NRG1: variants seen among roughly 807,000 people sequenced by gnomAD.
NRG1 encodes pro-neuregulin-1, membrane-bound isoform.
NRG1 carries 18 observed loss-of-function variants against 63.8 expected under a neutral mutation model. The observed-to-expected ratio is 0.28, with a 90% confidence interval of 0.19 to 0.42. The LOEUF (loss-of-function observed/expected upper bound fraction) is 0.42, where lower values mean the gene tolerates loss of function less well. Ranked by LOEUF, NRG1 falls within the 10% of genes least tolerant of loss-of-function variation. The pLI is 1.00. For missense variants in NRG1, 762 were observed against 814.7 expected, an observed-to-expected ratio of 0.94 and a Z score of 0.79; for synonymous variants, 302 against 301.3, an observed-to-expected ratio of 1.00 and a Z score of -0.02.
At chr8:32,562,431 T>C (rs1488895522) in intron 1 of NRG1, among the ~76,000 whole-genome samples, 2 of 151,942 alleles carry the variant, frequency 1.3e-5, no homozygotes, top group Non-Finnish European at 2.9e-5. Context: ...TTTAATTTTG[T>C]AGAGATGGGG....
chr8:32,640,423 G>A (rs1377514338), intron 5 of NRG1, among the ~76,000 whole-genome samples: 2 of 152,024 alleles, frequency 1.3e-5, no homozygotes, highest in Non-Finnish European at 2.9e-5. Flanking sequence ...TGTCTGCTGT[G>A]TGCCAGGCAT....
intron 5 of NRG1, among the ~76,000 whole-genome samples, chr8:32,628,859 A>T (rs941557056): frequency 6.6e-6 from 1 of 150,990 alleles, no homozygotes; most frequent in South Asian, 2.1e-4. Context: ...CAGTCTCCTG[A>T]GCAGCTGGGA....
At chr8:31,917,179 T>G (rs1833470319) in intron 1 of NRG1, among the ~76,000 whole-genome samples, 1 of 87,314 alleles carries the variant, frequency 1.1e-5, no homozygotes, top group South Asian at 5.0e-4. Flanking sequence ...GACGGTAGTT[T>G]CTTTTGCTGT....
At chr8:32,322,355 T>TATATATATATATATATATATA (rs1563313662) in intron 1 of NRG1, among the ~76,000 whole-genome samples, 1 of 142,656 alleles carries the variant, frequency 7.0e-6, no homozygotes, top group African/African-American at 2.6e-5. Flanking sequence ...CAACCTTATT[T>TATATATATATATATATATATA]TATATATATA....
intron 1 of NRG1, chr8:32,287,093 T>C (rs1208162242): frequency 6.6e-6 from 1 of 152,244 alleles, no homozygotes; most frequent in East Asian, 1.9e-4. Context: ...TAAATTGCCC[T>C]GCCACAGGTA....
intron 1 of NRG1, among the ~76,000 whole-genome samples, chr8:32,410,743 G>A (rs1814803974): frequency 6.6e-6 from 1 of 152,000 alleles, no homozygotes; most frequent in Non-Finnish European, 1.5e-5. Context: ...AGTCCCCAGA[G>A]TCTGCTTCTT....
chr8:32,648,799 C>CCTGTCATCT (rs1854289166), intron 5 of NRG1, among the ~76,000 whole-genome samples: 1 of 152,136 alleles, frequency 6.6e-6, no homozygotes, highest in African/African-American at 2.4e-5. Flanking sequence ...TCATAGATTT[C>CCTGTCATCT]CTGTCATCTC....
At chr8:31,681,728 A>G (rs926868265) in intron 1 of NRG1, among the ~76,000 whole-genome samples, 22 of 149,762 alleles carry the variant, frequency 1.5e-4, no homozygotes, top group African/African-American at 4.9e-4. Flanking sequence ...TATGCATTAT[A>G]TATATTCACA....
Position 32,718,306 on chromosome 8 carries a change from G to A in NRG1, c.503-9643G>A, listed in dbSNP as rs112639248. Among the ~76,000 whole-genome samples, 9 of 152,316 alleles carry A rather than the reference G, an allele frequency of 5.9e-5. 1 individual carries two copies. Among genetic ancestry groups the A allele is most frequent in the African/African-American group, 2.2e-4 (9 of 41,574 alleles). On this transcript the variant is annotated intron_variant, in intron 5 of 11. Coordinates refer to ENST00000356819, the Ensembl canonical transcript of NRG1. Reference sequence around the variant, plus strand: ...AGGTGTGAAATACAAAGGAACTCCAGCAGTTAGCTCTTCTCAAATTTTCAT... The same window carrying A: ...AGGTGTGAAATACAAAGGAACTCCAACAGTTAGCTCTTCTCAAATTTTCAT...
rs75014383 is a variant in NRG1 at position 32,646,161 on chromosome 8, T to C, written c.502+29276T>C. Among the ~76,000 whole-genome samples the C allele has an allele frequency of 3.7e-3, 565 of 152,204 alleles. 6 individuals are homozygous for C. Among genetic ancestry groups the C allele is most frequent in the African/African-American group, 0.013 (549 of 41,516 alleles). ...ATTAGCTTGACATTATTAGTCTTCTTTGGGTGAGATAGAATAAATGGAAAT... is the reference window on the plus strand; with the variant it reads ...ATTAGCTTGACATTATTAGTCTTCTCTGGGTGAGATAGAATAAATGGAAAT... On this transcript the variant is annotated intron_variant, in intron 5 of 11. Transcript: ENST00000356819.
chr8:32,244,021 G>A (rs1848380573), intron 1 of NRG1, among the ~76,000 whole-genome samples: 1 of 152,160 alleles, frequency 6.6e-6, no homozygotes, highest in Non-Finnish European at 1.5e-5. Flanking sequence ...AGCTGCCTGA[G>A]CTGACTAAGA....
At chr8:31,679,163 C>G (rs1341023524) in intron 1 of NRG1, among the ~76,000 whole-genome samples, 1 of 151,932 alleles carries the variant, frequency 6.6e-6, no homozygotes, top group African/African-American at 2.4e-5. Flanking sequence ...CCTTTCCTCC[C>G]TCAGTTCTCT....
chr8:32,438,506 T>C (rs1819073200), intron 1 of NRG1, among the ~76,000 whole-genome samples: 1 of 152,292 alleles, frequency 6.6e-6, no homozygotes, highest in East Asian at 1.9e-4. Context: ...ACACAGATTT[T>C]TGTGTAAACA....
intron 5 of NRG1, among the ~76,000 whole-genome samples, chr8:32,633,635 G>A (rs1438278063): frequency 6.6e-6 from 1 of 152,112 alleles, no homozygotes; most frequent in Non-Finnish European, 1.5e-5. Context: ...TAAGACTATG[G>A]ACTCTTACTT....
intron 1 of NRG1, among the ~76,000 whole-genome samples, chr8:32,275,958 T>C (rs1382674835): frequency 6.6e-6 from 1 of 152,198 alleles, no homozygotes; most frequent in Non-Finnish European, 1.5e-5. Flanking sequence ...GAGTGATATT[T>C]CAGTGCATGT....
chr8:31,973,265 G>A (rs1001410943), intron 1 of NRG1, among the ~76,000 whole-genome samples: 5 of 152,162 alleles, frequency 3.3e-5, no homozygotes, highest in East Asian at 1.9e-4. Context: ...TTTAAAAGAT[G>A]AGATCATAAT....
intron 11 of NRG1, among the ~76,000 whole-genome samples, chr8:32,761,776 C>T (rs1830715130): frequency 6.6e-6 from 1 of 151,858 alleles, no homozygotes; most frequent in African/African-American, 2.4e-5. Context: ...CACGGTGGCT[C>T]ACGCCTCTAA....
chr8:32,627,849 C>T (rs1477581084), intron 5 of NRG1, among the ~76,000 whole-genome samples: 1 of 152,108 alleles, frequency 6.6e-6, no homozygotes, highest in African/African-American at 2.4e-5. Context: ...AGAGCAGTGA[C>T]TAACTGACAA....
intron 1 of NRG1, among the ~76,000 whole-genome samples, chr8:31,739,896 G>A (rs553102732): frequency 2.6e-5 from 4 of 151,972 alleles, no homozygotes; most frequent in South Asian, 2.1e-4. Context: ...AGCTTTCCTC[G>A]ACCTTTTGAT....
Sources: allele counts gnomAD v4.1 joint callset (sites outside exome capture counted in the v4.1 genomes callset), GRCh38; gene constraint gnomAD v4.1.1; transcripts MANE v1.5; gene names NCBI Gene and HGNC (gene_info 2026-07-23, HGNC 2026-07-21).